Variants in MCHR2 observed in about 807,000 individuals in gnomAD.
MCHR2 encodes the protein melanin concentrating hormone receptor 2.
Under a neutral mutation model 24.8 loss-of-function variants are expected in MCHR2, and 15 were observed. That is an observed-to-expected ratio of 0.60 (90% CI 0.40 to 0.93). The LOEUF (loss-of-function observed/expected upper bound fraction) is 0.93. Ranked by LOEUF, MCHR2 falls within the 40% of genes least tolerant of loss-of-function variation. The pLI is 0.00. For synonymous variants in MCHR2, 151 were observed against 147.6 expected (o/e 1.02, Z -0.17); for missense variants, 386 against 408.7 (o/e 0.94, Z 0.48).
Position 99,955,995 on chromosome 6 carries a change from G to C in MCHR2, c.153C>G (p.Gly51=), listed in dbSNP as rs753093935. The C allele has an allele frequency of 6.2e-7, 1 of 1,608,510 alleles. No individual in the cohort carries two copies. Among genetic ancestry groups the C allele is most frequent in the Admixed American group, 1.7e-5 (1 of 59,168 alleles). ...IGIICSTGLV[G]NILIVFTIIR... is the part of the protein sequence containing the mutation. ...TTATAGTGAATACAATGAGGATGTT[G>C]CCAACCAGCCCTGTTGAACAGATAA... Residue 51 remains glycine (G), a synonymous_variant, in exon 2 of 6, where the codon GGC becomes GGG. Transcript: ENST00000281806.
chr6:99,974,500 T>G lies in MCHR2; in HGVS notation c.-27-18326A>C, dbSNP rs537168025. On this transcript the variant is annotated intron_variant, in intron 1 of 5. Coordinates refer to ENST00000281806, the MANE Select transcript of MCHR2 (RefSeq NM_001040179.2). Reference sequence around the variant, plus strand: ...CAGTTTTTAACTTCTTTGCCATTGGTTTGAATTTCCTCCTGTAGCTTGGAG... The same window carrying G: ...CAGTTTTTAACTTCTTTGCCATTGGGTTGAATTTCCTCCTGTAGCTTGGAG... 1.7e-3 allele frequency among the ~76,000 whole-genome samples: 262 copies of G among 152,310 alleles called. 1 individual carries two copies. The highest frequency in any genetic ancestry group is 6.0e-3 in the African/African-American group (250 of 41,562).
At chr6:99,962,328 G>T (rs1330865458) in intron 1 of MCHR2, among the ~76,000 whole-genome samples, 1 of 152,120 alleles carries the variant, frequency 6.6e-6, no homozygotes, top group Non-Finnish European at 1.5e-5. Flanking sequence ...CAGTAATGGT[G>T]CACAATTTAA....
At chr6:99,923,669 G>T (rs1230112769) in intron 5 of MCHR2, among the ~76,000 whole-genome samples, 1 of 151,768 alleles carries the variant, frequency 6.6e-6, no homozygotes, top group Non-Finnish European at 1.5e-5. Flanking sequence ...GAATTTAAAT[G>T]ATCATATGTT....
intron 2 of MCHR2, among the ~76,000 whole-genome samples, chr6:99,955,186 T>C (rs1775036319): frequency 6.6e-6 from 1 of 152,264 alleles, no homozygotes; most frequent in Middle Eastern, 3.4e-3. Flanking sequence ...CATGTGAAAA[T>C]AATCAGGATA....
Position 99,931,252 on chromosome 6 carries a change from G to C in MCHR2, c.707+3146C>G, listed in dbSNP as rs1157290638. On this transcript the variant is annotated intron_variant, in intron 5 of 5. Coordinates refer to ENST00000281806, the MANE Select transcript of MCHR2 (RefSeq NM_001040179.2). Reference sequence around the variant, plus strand: ...GAGGTGTCAGTCTGCCCCTACTGGGGGGTGCCTCCCAGTTAGGCTGCTCGG... The same window carrying C: ...GAGGTGTCAGTCTGCCCCTACTGGGCGGTGCCTCCCAGTTAGGCTGCTCGG... Among the ~76,000 whole-genome samples, 14 of 152,304 alleles carry C rather than the reference G, an allele frequency of 9.2e-5. No homozygotes were observed. The East Asian group carries it at 2.7e-3, about 29-fold the overall frequency.
chr6:99,972,130 G>C (rs1051902682), intron 1 of MCHR2, among the ~76,000 whole-genome samples: 5 of 152,214 alleles, frequency 3.3e-5, no homozygotes, highest in African/African-American at 4.8e-5. Flanking sequence ...AGTTTCAGAA[G>C]GAATGTTACC....
At chr6:99,943,203 T>C in intron 3 of MCHR2, 60 bp from the exon 4 acceptor site, 1 of 1,416,466 alleles carries the variant, frequency 7.1e-7, no homozygotes, top group South Asian at 1.5e-5. Flanking sequence ...GCTCCAAGGA[T>C]GAAAGGTTCA....
rs114918816 is a variant in MCHR2, at chr6:99,953,287, G to A, written c.182+2679C>T. Among the ~76,000 whole-genome samples, 798 of 152,186 alleles carry A rather than the reference G, an allele frequency of 5.2e-3. 8 individuals carry two copies. The highest frequency in any genetic ancestry group is 0.017 in the African/African-American group (721 of 41,528). On this transcript the variant is annotated intron_variant, in intron 2 of 5. Transcript: ENST00000281806. The stretch of plus-strand genomic sequence containing the variant: ...TTGCCTGTGAAAATGCAAACATTTC[G>A]GAAGGGCTAACACCTAATAAGGACC...
chr6:99,930,677 C>T (rs188119163), intron 5 of MCHR2, among the ~76,000 whole-genome samples: 73 of 152,300 alleles, frequency 4.8e-4, no homozygotes, highest in African/African-American at 1.7e-3. Flanking sequence ...TGAGCCTTGG[C>T]TCTCAGCTCC....
intron 1 of MCHR2, among the ~76,000 whole-genome samples, chr6:99,973,089 C>A (rs1420388406): frequency 2.0e-5 from 3 of 151,812 alleles, no homozygotes; most frequent in Non-Finnish European, 1.5e-5. Flanking sequence ...CCGCTTGGTG[C>A]AGAGCTGAGT....
At chr6:99,993,320 G>T (rs1775921291) in intron 1 of MCHR2, among the ~76,000 whole-genome samples, 3 of 152,264 alleles carry the variant, frequency 2.0e-5, no homozygotes, top group African/African-American at 7.2e-5. Flanking sequence ...CTTCCCTAGG[G>T]CCACTGAGGA....
intron 1 of MCHR2, among the ~76,000 whole-genome samples, chr6:99,987,920 A>G (rs982642928): frequency 1.3e-5 from 2 of 152,210 alleles, no homozygotes; most frequent in Non-Finnish European, 2.9e-5. Context: ...TAACAAGTCT[A>G]TAGAGGGTTA....
At chr6:99,927,329 G>C (rs1397894792) in intron 5 of MCHR2, among the ~76,000 whole-genome samples, 2 of 152,040 alleles carry the variant, frequency 1.3e-5, no homozygotes, top group African/African-American at 2.4e-5. Flanking sequence ...GCTCTTTTTT[G>C]GTTCCATATG....
At chr6:99,950,589 A>T (rs1206694201) in intron 2 of MCHR2, among the ~76,000 whole-genome samples, 1 of 152,126 alleles carries the variant, frequency 6.6e-6, no homozygotes, top group African/African-American at 2.4e-5. Flanking sequence ...AGAATATTTA[A>T]TCAGATGAGA....
At chr6:99,970,438 T>C (rs2114566812) in intron 1 of MCHR2, among the ~76,000 whole-genome samples, 1 of 152,282 alleles carries the variant, frequency 6.6e-6, no homozygotes, top group East Asian at 1.9e-4. Flanking sequence ...TTGTTTTGAG[T>C]TCATTGTAGA....
intron 1 of MCHR2, among the ~76,000 whole-genome samples, chr6:99,972,570 G>C (rs1451528766): frequency 6.6e-6 from 1 of 152,070 alleles, no homozygotes; most frequent in African/African-American, 2.4e-5. Context: ...CTTCAGTTCT[G>C]CTCTGATTTT....
chr6:99,943,751 T>C (rs1488278986), intron 3 of MCHR2, among the ~76,000 whole-genome samples: 1 of 152,210 alleles, frequency 6.6e-6, no homozygotes, highest in Non-Finnish European at 1.5e-5. Flanking sequence ...CTGAAATAGT[T>C]GTTCCTTCTA....
intron 1 of MCHR2, among the ~76,000 whole-genome samples, chr6:99,985,809 A>G (rs1775758194): frequency 6.6e-6 from 1 of 152,130 alleles, no homozygotes. Flanking sequence ...TACAACAAAA[A>G]CAATAGGCAA....
chr6:99,961,214 C>CA (rs1554195347), intron 1 of MCHR2, among the ~76,000 whole-genome samples: 2 of 147,948 alleles, frequency 1.4e-5, no homozygotes, highest in Admixed American at 1.4e-4. Context: ...TTTAGGAACA[C>CA]TTTTTTTTTT....
Sources: allele counts gnomAD v4.1 joint callset (sites outside exome capture counted in the v4.1 genomes callset), GRCh38; gene constraint gnomAD v4.1.1; transcripts MANE v1.5; gene names NCBI Gene and HGNC (gene_info 2026-07-23, HGNC 2026-07-21).